TENM3: variants seen among roughly 807,000 people sequenced by gnomAD.
TENM3 encodes teneurin transmembrane protein 3.
Under a neutral mutation model 255.1 loss-of-function variants are expected in TENM3, and 63 were observed. The observed-to-expected ratio is 0.25, with a 90% confidence interval of 0.20 to 0.30. The LOEUF (loss-of-function observed/expected upper bound fraction) is 0.30, where lower values mean the gene tolerates loss of function less well. TENM3 is among the 10% of genes least tolerant of loss of function. The pLI is 1.00. For missense variants in TENM3, 2,929 were observed against 3,461.1 expected, an observed-to-expected ratio of 0.85 and a Z score of 3.86; for synonymous variants, 1,306 against 1,322.3, an observed-to-expected ratio of 0.99 and a Z score of 0.27.
At chr4:181,944,738 G>A in the TENM3 span, among the ~76,000 whole-genome samples, 1 of 152,010 alleles carries the variant, frequency 6.6e-6, no homozygotes, top group African/African-American at 2.4e-5. Flanking sequence ...GTGAACAGCT[G>A]CTTGCCTTGC....
chr4:182,339,185 T>C (rs776043055), intron 2 of TENM3, among the ~76,000 whole-genome samples: 1 of 152,212 alleles, frequency 6.6e-6, no homozygotes, highest in Non-Finnish European at 1.5e-5. Context: ...ATTAATCAGA[T>C]CCACTGGGCT....
the TENM3 span, among the ~76,000 whole-genome samples, chr4:181,916,045 C>T: frequency 6.6e-6 from 1 of 152,120 alleles, no homozygotes; most frequent in Non-Finnish European, 1.5e-5. Context: ...CCCTTCAAGT[C>T]ATACATCACC....
At chr4:182,338,479 T>C (rs1464635712) in intron 2 of TENM3, among the ~76,000 whole-genome samples, 1 of 152,180 alleles carries the variant, frequency 6.6e-6, no homozygotes, top group Admixed American at 6.5e-5. Flanking sequence ...AGACTACTTA[T>C]TTTGGGGGAG....
At chr4:181,458,390 C>A in the TENM3 span, among the ~76,000 whole-genome samples, 1 of 151,782 alleles carries the variant, frequency 6.6e-6, no homozygotes, top group Non-Finnish European at 1.5e-5. Flanking sequence ...CCTAGTAGTC[C>A]ATTATTCTAA....
At chr4:181,826,256 C>T in the TENM3 span, among the ~76,000 whole-genome samples, 1 of 151,362 alleles carries the variant, frequency 6.6e-6, no homozygotes, top group African/African-American at 2.4e-5. Flanking sequence ...TATTTGATAA[C>T]TAAAAAAAAA....
rs180727578 is a variant in TENM3, at chr4:182,389,983, C to T, written c.511+43054C>T. 6.4e-4 allele frequency among the ~76,000 whole-genome samples: 97 copies of T among 152,304 alleles called. No homozygotes were observed. In the East Asian group the frequency reaches 0.014, roughly 22 times the overall value. On this transcript the variant is annotated intron_variant, in intron 3 of 27. Coordinates refer to ENST00000511685, the MANE Select transcript of TENM3 (RefSeq NM_001080477.4). Reference sequence around the variant, plus strand: ...TACAGGCGTGAGCCACCGCGCCCGGCCCAGTAGATGACTCTTTAAAGGTCA... The same window carrying T: ...TACAGGCGTGAGCCACCGCGCCCGGTCCAGTAGATGACTCTTTAAAGGTCA...
At chr4:182,060,491 T>C in the TENM3 span, among the ~76,000 whole-genome samples, 1 of 152,062 alleles carries the variant, frequency 6.6e-6, no homozygotes, top group Non-Finnish European at 1.5e-5. Context: ...GTGCCGCTGA[T>C]CCGACAGGAG....
At chr4:182,780,980 T>A (rs1765117759) in intron 24 of TENM3, among the ~76,000 whole-genome samples, 1 of 151,336 alleles carries the variant, frequency 6.6e-6, no homozygotes, top group African/African-American at 2.4e-5. Flanking sequence ...GTTTTCTAGA[T>A]ATACAATCAT....
At chr4:181,572,314 G>A in the TENM3 span, among the ~76,000 whole-genome samples, 1 of 152,064 alleles carries the variant, frequency 6.6e-6, no homozygotes, top group Non-Finnish European at 1.5e-5. Context: ...CCCAAAGGTA[G>A]GATTTTTATT....
the TENM3 span, among the ~76,000 whole-genome samples, chr4:182,078,400 T>A: frequency 6.6e-6 from 1 of 152,094 alleles, no homozygotes; most frequent in Non-Finnish European, 1.5e-5. Flanking sequence ...TGTGCACCTT[T>A]AGTCCCAGCT....
At chr4:182,603,782 TATACACAC>T (rs1560990018) in intron 4 of TENM3, among the ~76,000 whole-genome samples, 3 of 127,360 alleles carry the variant, frequency 2.4e-5, no homozygotes, top group Non-Finnish European at 4.9e-5. Context: ...TATATATATA[TATACACAC>T]ACACACCGAT....
intron 3 of TENM3, among the ~76,000 whole-genome samples, chr4:182,556,142 A>C (rs1199162411): frequency 6.6e-6 from 1 of 152,190 alleles, no homozygotes; most frequent in African/African-American, 2.4e-5. Context: ...AAGGCACAAC[A>C]ACCTCCCACC....
the TENM3 span, among the ~76,000 whole-genome samples, chr4:181,495,916 A>G: frequency 6.6e-6 from 1 of 151,174 alleles, no homozygotes; most frequent in Non-Finnish European, 1.5e-5. Context: ...AAAAAAAAAA[A>G]AAAAAAGAAA....
intron 2 of TENM3, among the ~76,000 whole-genome samples, chr4:182,336,278 T>G (rs1224424332): frequency 2.0e-5 from 3 of 152,152 alleles, no homozygotes; most frequent in Non-Finnish European, 4.4e-5. Flanking sequence ...TCTTATCAAC[T>G]TCTAAACCCA....
chr4:182,473,320 T>C (rs1733316082), intron 3 of TENM3, among the ~76,000 whole-genome samples: 1 of 152,192 alleles, frequency 6.6e-6, no homozygotes, highest in African/African-American at 2.4e-5. Flanking sequence ...CCAAATACTG[T>C]TATAATCTGT....
At chr4:182,314,688 C>T (rs1762650013) in intron 1 of TENM3, among the ~76,000 whole-genome samples, 1 of 152,208 alleles carries the variant, frequency 6.6e-6, no homozygotes. Flanking sequence ...TTGGAAATAG[C>T]ATCTAATTGG....
At chr4:181,671,398 C>G in the TENM3 span, among the ~76,000 whole-genome samples, 1 of 152,150 alleles carries the variant, frequency 6.6e-6, no homozygotes, top group African/African-American at 2.4e-5. Flanking sequence ...TCATCTGGAT[C>G]TCTCTGCAGT....
At chr4:182,571,273 C>A (rs890934772) in intron 3 of TENM3, among the ~76,000 whole-genome samples, 9 of 152,156 alleles carry the variant, frequency 5.9e-5, no homozygotes, top group African/African-American at 1.9e-4. Flanking sequence ...CGCCTGTAAT[C>A]CCAGCACTTT....
chr4:182,485,415 A>G (rs1734599796), intron 3 of TENM3, among the ~76,000 whole-genome samples: 1 of 152,176 alleles, frequency 6.6e-6, no homozygotes, highest in South Asian at 2.1e-4. Flanking sequence ...TCAATTTATC[A>G]TCCTCATCCA....
Sources: gnomAD v4.1 joint callset for allele counts (sites outside exome capture counted in the v4.1 genomes callset) on GRCh38, gnomAD v4.1.1 for gene constraint, MANE v1.5 for transcripts, NCBI Gene and HGNC (gene_info 2026-07-23, HGNC 2026-07-21) for gene names.